The following TNNI3K variants were observed in gnomAD, a reference collection of about 807,000 sequenced individuals.
TNNI3K encodes TNNI3 interacting kinase, also known as serine/threonine-protein kinase TNNI3K.
In TNNI3K, 140 loss-of-function variants were observed where a neutral mutation model predicts 114.5. That is an observed-to-expected ratio of 1.22 (90% CI 1.07 to 1.41). The LOEUF (loss-of-function observed/expected upper bound fraction) is 1.41, where lower values mean the gene tolerates loss of function less well. Ranked by LOEUF, TNNI3K falls within the 40% of genes most tolerant of loss-of-function variation. TNNI3K has a pLI of 0.00. For synonymous variants in TNNI3K, 347 were observed against 347.5 expected, an observed-to-expected ratio of 1.00 and a Z score of 0.02; for missense variants, 1,125 against 1,007.6, an observed-to-expected ratio of 1.12 and a Z score of -1.58.
intron 23 of TNNI3K, among the ~76,000 whole-genome samples, chr1:74,538,166 T>A (rs1490223402): frequency 2.0e-5 from 3 of 152,080 alleles, no homozygotes; most frequent in Admixed American, 1.3e-4. Flanking sequence ...AATTGAGGAA[T>A]GTTTGCAAAA....
intron 4 of TNNI3K, 72 bp from the exon 5 acceptor site, chr1:74,271,526 A>G: frequency 8.5e-6 from 12 of 1,418,498 alleles, no homozygotes; most frequent in Non-Finnish European, 1.0e-5. Context: ...CAGAAAATCA[A>G]TACATCCTGT....
chr1:74,294,861 T>C (rs956211235), intron 5 of TNNI3K, among the ~76,000 whole-genome samples: 1 of 151,810 alleles, frequency 6.6e-6, no homozygotes, highest in East Asian at 1.9e-4. Context: ...ATCTTCTCTA[T>C]TTTTTTTACT....
intron 17 of TNNI3K, among the ~76,000 whole-genome samples, chr1:74,379,526 C>A (rs551829041): frequency 3.1e-4 from 47 of 152,078 alleles, no homozygotes; most frequent in African/African-American, 1.1e-3. Context: ...AATTTCTATC[C>A]CCATTTCTGA....
At chr1:74,266,773 A>G (rs1015082470) in intron 4 of TNNI3K, among the ~76,000 whole-genome samples, 1 of 152,004 alleles carries the variant, frequency 6.6e-6, no homozygotes, top group African/African-American at 2.4e-5. Flanking sequence ...AAGGCAGGAT[A>G]TTAAGTAAGC....
At chr1:74,510,995 C>T (rs1670183865) in intron 23 of TNNI3K, among the ~76,000 whole-genome samples, 1 of 152,040 alleles carries the variant, frequency 6.6e-6, no homozygotes, top group African/African-American at 2.4e-5. Context: ...TCAAGTGATT[C>T]TCCTGCCTCA....
chr1:74,480,946 A>T, intron 21 of TNNI3K: 2 of 716,078 alleles, frequency 2.8e-6, no homozygotes. Flanking sequence ...TGATGATTAA[A>T]ACCCTCGTGG....
Position 74,446,593 on chromosome 1 carries a change from C to T in TNNI3K, c.2011+6971C>T, listed in dbSNP as rs1453570076. ...GCTTTTGTTGCCATTGCTTTTGGTG[C>T]TTTGGACATGAAATCCTTGCCCATG... On this transcript the variant is annotated intron_variant, in intron 20 of 24. Transcript: ENST00000326637. Among the ~76,000 whole-genome samples the T allele has an allele frequency of 6.2e-3, 915 of 148,294 alleles. 23 individuals carry two copies. The highest frequency in any genetic ancestry group is 0.022 in the African/African-American group (847 of 37,864).
At chr1:74,542,619 G>T (rs1646739638) in intron 24 of TNNI3K, among the ~76,000 whole-genome samples, 1 of 152,124 alleles carries the variant, frequency 6.6e-6, no homozygotes, top group South Asian at 2.1e-4. Context: ...TGCTACCTAA[G>T]ATATTTTGAC....
At chr1:74,537,634 T>C (rs1195047239) in intron 23 of TNNI3K, among the ~76,000 whole-genome samples, 1 of 152,222 alleles carries the variant, frequency 6.6e-6, no homozygotes, top group Non-Finnish European at 1.5e-5. Flanking sequence ...CTGTGGGGAA[T>C]CTAAAGATGT....
chr1:74,415,984 G>T (rs938403580), intron 17 of TNNI3K, among the ~76,000 whole-genome samples: 1 of 152,106 alleles, frequency 6.6e-6, no homozygotes, highest in Admixed American at 6.6e-5. Context: ...AGAACAGAAA[G>T]AATCATCAGT....
At chr1:74,307,942 A>G (rs1321826713) in intron 5 of TNNI3K, among the ~76,000 whole-genome samples, 2 of 152,144 alleles carry the variant, frequency 1.3e-5, no homozygotes, top group Non-Finnish European at 2.9e-5. Context: ...CAGCCTGAGG[A>G]CAGAGCAAGA....
chr1:74,261,360 C>T (rs371354175), intron 4 of TNNI3K, among the ~76,000 whole-genome samples: 2 of 151,878 alleles, frequency 1.3e-5, no homozygotes, highest in East Asian at 3.9e-4. Context: ...CTATATGTGA[C>T]ATATGACTAG....
Position 74,544,031 on chromosome 1 carries a change from AACGATTCCAACC to A in TNNI3K, c.*53_*64del. The A allele has an allele frequency of 6.3e-7, 1 of 1,583,866 alleles. No individual in the cohort carries two copies. Among genetic ancestry groups the A allele is most frequent in the African/African-American group, 1.4e-5 (1 of 73,822 alleles). ...AGAGTTTTTTCCCCGAACTGACAGC[AACGATTCCAACC>A]ACGGCAAGCTGGCTTCCAACTATAA... On this transcript the variant is annotated 3_prime_UTR_variant, in exon 25 of 25. Transcript: ENST00000326637.
intron 17 of TNNI3K, among the ~76,000 whole-genome samples, chr1:74,425,228 A>C (rs1056280315): frequency 6.6e-6 from 1 of 152,128 alleles, no homozygotes; most frequent in African/African-American, 2.4e-5. Flanking sequence ...CCTCATCTTT[A>C]CTGGAAAGGT....
chr1:74,505,377 G>C (rs1417094172), intron 23 of TNNI3K, among the ~76,000 whole-genome samples: 1 of 152,174 alleles, frequency 6.6e-6, no homozygotes, highest in Non-Finnish European at 1.5e-5. Context: ...TTTGTGTTGC[G>C]AAGCTGAATC....
intron 4 of TNNI3K, among the ~76,000 whole-genome samples, chr1:74,253,791 C>G (rs1655107858): frequency 6.6e-6 from 1 of 152,194 alleles, no homozygotes; most frequent in South Asian, 2.1e-4. Context: ...CAGGAAGGGG[C>G]TCCCACAGTG....
At chr1:74,537,023 T>C (rs1267341958) in intron 23 of TNNI3K, among the ~76,000 whole-genome samples, 1 of 152,192 alleles carries the variant, frequency 6.6e-6, no homozygotes, top group Non-Finnish European at 1.5e-5. Context: ...CATGGGTAGC[T>C]TCCATCTGTC....
At chr1:74,236,055 T>G in intron 1 of TNNI3K, 47 bp from the exon 2 acceptor site, 1 of 1,504,598 alleles carries the variant, frequency 6.6e-7, no homozygotes, top group East Asian at 2.3e-5. Flanking sequence ...TGTCTACATT[T>G]TGCAAAACAC....
chr1:74,469,078 C>T (rs1460010849), intron 21 of TNNI3K: 2 of 152,254 alleles, frequency 1.3e-5, no homozygotes, highest in East Asian at 3.9e-4. Context: ...ATTTAGTTTT[C>T]AAAATCTTAA....
Sources: allele counts gnomAD v4.1 joint callset (sites outside exome capture counted in the v4.1 genomes callset), GRCh38; gene constraint gnomAD v4.1.1; transcripts MANE v1.5; gene names NCBI Gene and HGNC (gene_info 2026-07-23, HGNC 2026-07-21).